Variants in KIFC3 observed in about 807,000 individuals in gnomAD.
KIFC3 encodes the protein kinesin family member C3.
A neutral mutation model predicts 101.8 loss-of-function variants in KIFC3; 60 were observed. The ratio of observed to expected loss-of-function variants is 0.59; its 90% CI spans 0.48 to 0.73. KIFC3 has a LOEUF of 0.73. KIFC3 is among the 30% of genes least tolerant of loss of function. The pLI is 0.00. For missense variants in KIFC3, 966 were observed against 1,137.1 expected (o/e 0.85, Z 2.16); for synonymous variants, 476 against 482.7 (o/e 0.99, Z 0.18).
intron 17 of KIFC3, 161 bp from the exon 18 acceptor site, chr16:57,759,997 TAAATG>T: frequency 1.6e-6 from 1 of 622,148 alleles, no homozygotes; most frequent in Non-Finnish European, 2.8e-6. Context: ...TGGCAAGAAT[TAAATG>T]AGATAATTCA....
intron 1 of KIFC3, among the ~76,000 whole-genome samples, chr16:57,859,989 T>A (rs1436812616): frequency 7.1e-6 from 1 of 141,724 alleles, no homozygotes; most frequent in African/African-American, 2.5e-5. Flanking sequence ...GCCACTGCAC[T>A]CCAGCCTGGG....
intron 1 of KIFC3, among the ~76,000 whole-genome samples, chr16:57,808,437 GGTT>G (rs2054993544): frequency 6.6e-6 from 1 of 151,896 alleles, no homozygotes; most frequent in Non-Finnish European, 1.5e-5. Context: ...TATAGCTCCG[GGTT>G]CTAAACCAGC....
chr16:57,761,002 G>T, intron 15 of KIFC3, 40 bp downstream of exon 15: 1 of 1,602,822 alleles, frequency 6.2e-7, no homozygotes, highest in Non-Finnish European at 8.5e-7. Flanking sequence ...GCCCCTTGGG[G>T]TTGTGGGGAT....
intron 3 of KIFC3, among the ~76,000 whole-genome samples, chr16:57,774,509 T>C (rs1184886667): frequency 4.6e-5 from 7 of 151,880 alleles, no homozygotes; most frequent in African/African-American, 7.3e-5. Flanking sequence ...ACAAAATCTT[T>C]ATGCTTTTCA....
rs13337934 is a variant in KIFC3, at chr16:57,798,474, G to C, written c.-39-192C>G. On this transcript the variant is annotated intron_variant, in intron 1 of 19. Transcript: ENST00000445690. Reference sequence around the variant, plus strand: ...AAATGGGGCCTGCTGCCTTTTGGGGGTATTTGTTTCCGAATACGGAGGCTC... The same window carrying C: ...AAATGGGGCCTGCTGCCTTTTGGGGCTATTTGTTTCCGAATACGGAGGCTC... The C allele has an allele frequency of 2.7e-3, 1,625 of 608,156 alleles. 21 individuals are homozygous for C. In the African/African-American group the frequency reaches 0.027, roughly 10 times the overall value. The allele number at this position is 608,156 out of a possible 1,614,324, so 37.7% of individuals were successfully genotyped here. A position where few individuals can be genotyped will look rare whatever the true frequency, so the allele number is the denominator to read the frequency against.
intron 12 of KIFC3, among the ~76,000 whole-genome samples, chr16:57,763,204 A>G (rs1555599569): frequency 6.6e-6 from 1 of 152,126 alleles, no homozygotes; most frequent in South Asian, 2.1e-4. Flanking sequence ...GCCTGGCACG[A>G]TGCCTGATAC....
chr16:57,824,760 T>G (rs2055424227), intron 1 of KIFC3, among the ~76,000 whole-genome samples: 1 of 152,152 alleles, frequency 6.6e-6, no homozygotes, highest in Non-Finnish European at 1.5e-5. Flanking sequence ...TGAGGCCCTG[T>G]AGGTGCAATG....
chr16:57,833,165 G>A (rs2911345), intron 1 of KIFC3, among the ~76,000 whole-genome samples: 2 of 151,846 alleles, frequency 1.3e-5, no homozygotes, highest in Non-Finnish European at 2.9e-5. Context: ...GAGATCACAC[G>A]ACTGCATTGC....
chr16:57,771,057 G>A (rs2051120486), intron 6 of KIFC3, 141 bp downstream of exon 6: 2 of 1,126,372 alleles, frequency 1.8e-6, no homozygotes, highest in East Asian at 2.4e-5. Context: ...GGAAGGGGCA[G>A]GACCAAGCAC....
At chr16:57,793,084 C>G (rs1377604890) in intron 3 of KIFC3, among the ~76,000 whole-genome samples, 1 of 150,390 alleles carries the variant, frequency 6.6e-6, no homozygotes, top group Non-Finnish European at 1.5e-5. Flanking sequence ...GTAAGGAGTT[C>G]AAGACCAGCC....
At chr16:57,816,393 C>A in intron 1 of KIFC3, 1 of 609,582 alleles carries the variant, frequency 1.6e-6, no homozygotes, top group South Asian at 1.5e-5. Flanking sequence ...GAAGACCCGC[C>A]TTTGGTCACA....
chr16:57,808,431 G>T (rs2054993311), intron 1 of KIFC3, among the ~76,000 whole-genome samples: 1 of 151,904 alleles, frequency 6.6e-6, no homozygotes, highest in Non-Finnish European at 1.5e-5. Flanking sequence ...AATTGTTATA[G>T]CTCCGGGTTC....
At chr16:57,840,944 C>T (rs982864013) in intron 1 of KIFC3, among the ~76,000 whole-genome samples, 2 of 152,160 alleles carry the variant, frequency 1.3e-5, no homozygotes, top group Non-Finnish European at 2.9e-5. Flanking sequence ...GTCCACACTC[C>T]GGCTTTCTGG....
At chr16:57,827,348 G>T (rs1324243260) in intron 1 of KIFC3, among the ~76,000 whole-genome samples, 16 of 152,248 alleles carry the variant, frequency 1.1e-4, no homozygotes, top group Admixed American at 1.0e-3. Context: ...CTGCAGAGAC[G>T]TGGTGAGGGC....
upstream of KIFC3, among the ~76,000 whole-genome samples, chr16:57,806,295 A>C (rs1271685069): frequency 6.6e-6 from 1 of 152,092 alleles, no homozygotes; most frequent in Admixed American, 6.5e-5. Flanking sequence ...CTGCCTGGAA[A>C]GCCCCTCTCC....
chr16:57,770,317 C>T (rs1056650431), intron 7 of KIFC3, among the ~76,000 whole-genome samples: 2 of 152,246 alleles, frequency 1.3e-5, no homozygotes, highest in Non-Finnish European at 2.9e-5. Context: ...CCTGAGTCCC[C>T]ACTGTGAGGT....
chr16:57,859,832 GC>G (rs775192758), intron 1 of KIFC3, among the ~76,000 whole-genome samples: 4 of 151,434 alleles, frequency 2.6e-5, no homozygotes, highest in African/African-American at 4.9e-5. Flanking sequence ...GACCAGCCTG[GC>G]CAACATGGTG....
intron 3 of KIFC3, chr16:57,776,744 T>C (rs887700678): frequency 6.6e-6 from 1 of 152,134 alleles, no homozygotes; most frequent in Admixed American, 6.5e-5. Context: ...AACTTGTGGA[T>C]GAGGTTGGTA....
At position 57,783,477 on chromosome 16, in the gene KIFC3, T is replaced by C. The variant is rs1319980891; in HGVS notation, c.316-11189A>G. 2.7e-5 allele frequency among the ~76,000 whole-genome samples: 4 copies of C among 147,070 alleles called. No homozygotes were observed. In the East Asian group the frequency reaches 5.8e-4, roughly 21 times the overall value. On this transcript the variant is annotated intron_variant, in intron 3 of 19. Coordinates refer to ENST00000445690, the MANE Select transcript of KIFC3 (RefSeq NM_001130100.2). ...CACAAAGCCCATTTTCTTTTCTTTT[T>C]TTTTTTTTTTTTGAGACAGAGTTTC...
Sources: gnomAD v4.1 joint callset for allele counts (sites outside exome capture counted in the v4.1 genomes callset) on GRCh38, gnomAD v4.1.1 for gene constraint, MANE v1.5 for transcripts, NCBI Gene and HGNC (gene_info 2026-07-23, HGNC 2026-07-21) for gene names.